Variants in PTGR3 observed in about 807,000 individuals in gnomAD.
PTGR3 encodes prostaglandin reductase 3, also known as zinc binding alcohol dehydrogenase domain containing 2.
chr18:75,205,252 G>C, the PTGR3 span: 1 of 985,552 alleles, frequency 1.0e-6, no homozygotes, highest in Non-Finnish European at 1.2e-6. Flanking sequence ...TTCAAGCGCA[G>C]CAGGCGCAAA....
At chr18:75,197,608 C>T in the PTGR3 span, 17 of 152,078 alleles carry the variant, frequency 1.1e-4, no homozygotes, top group Non-Finnish European at 1.6e-4. Flanking sequence ...CCACACCAAC[C>T]GTTTTGATAA....
chr18:75,198,858 T>TA, the PTGR3 span: 1 of 152,560 alleles, frequency 6.6e-6, no homozygotes, highest in Non-Finnish European at 1.5e-5. Flanking sequence ...TTGTGATATG[T>TA]ATTACAGTTC....
chr18:75,208,903 G>T, the PTGR3 span: 1 of 1,572,198 alleles, frequency 6.4e-7, no homozygotes, highest in Admixed American at 1.8e-5. Flanking sequence ...GGCAGTCCCG[G>T]CTCAGGGTGA....
chr18:75,201,499 G>A, the PTGR3 span: 14 of 1,614,122 alleles, frequency 8.7e-6, no homozygotes, highest in South Asian at 7.7e-5. Context: ...TTGACAGCAC[G>A]GAATATGGAC....
the PTGR3 span, chr18:75,201,614 A>C: frequency 6.2e-7 from 1 of 1,614,164 alleles, no homozygotes; most frequent in Non-Finnish European, 8.5e-7. Flanking sequence ...TGGCTGCTTG[A>C]TACTTAGAAA....
the PTGR3 span, among the ~76,000 whole-genome samples, chr18:75,208,083 G>C: frequency 5.0e-4 from 76 of 152,342 alleles, no homozygotes; most frequent in African/African-American, 1.7e-3. Context: ...AGATGAGTGA[G>C]GCGGAAACAC....
At chr18:75,204,026 G>T in the PTGR3 span, among the ~76,000 whole-genome samples, 2 of 152,236 alleles carry the variant, frequency 1.3e-5, no homozygotes, top group South Asian at 4.1e-4. Flanking sequence ...CCGACCCACT[G>T]CCAGTTGTGT....
At chr18:75,207,862 T>C in the PTGR3 span, among the ~76,000 whole-genome samples, 1 of 152,204 alleles carries the variant, frequency 6.6e-6, no homozygotes, top group African/African-American at 2.4e-5. Flanking sequence ...CAGTCAGAAC[T>C]TACTCCTCCC....
the PTGR3 span, among the ~76,000 whole-genome samples, chr18:75,203,476 T>C: frequency 6.6e-6 from 1 of 152,338 alleles, no homozygotes; most frequent in East Asian, 1.9e-4. Flanking sequence ...TTCACGGTGA[T>C]ATAGGTAATA....
At chr18:75,201,697 T>C in the PTGR3 span, 1 of 1,614,184 alleles carries the variant, frequency 6.2e-7, no homozygotes, top group South Asian at 1.1e-5. Flanking sequence ...GTTCCTGCTT[T>C]CACAGGCGAA....
chr18:75,202,031 C>T, the PTGR3 span: 1 of 1,614,150 alleles, frequency 6.2e-7, no homozygotes, highest in Non-Finnish European at 8.5e-7. Context: ...AAACTTTTTT[C>T]CCTTCCGACA....
the PTGR3 span, chr18:75,201,355 T>TA: frequency 1.4e-6 from 2 of 1,395,044 alleles, no homozygotes; most frequent in East Asian, 4.6e-5. Context: ...TTGATTTGAG[T>TA]AATTCTGAGA....
At chr18:75,201,190 C>T in the PTGR3 span, 26 of 532,092 alleles carry the variant, frequency 4.9e-5, no homozygotes, top group Middle Eastern at 4.9e-4. Flanking sequence ...TGAATGTAAG[C>T]GTTTTCCCTC....
the PTGR3 span, chr18:75,208,435 T>C: frequency 1.0e-6 from 1 of 995,432 alleles, no homozygotes. Context: ...CGTCGCAGTT[T>C]GCGTCCAGGC....
chr18:75,201,394 G>T, the PTGR3 span: 73 of 1,580,056 alleles, frequency 4.6e-5, no homozygotes, highest in Middle Eastern at 1.7e-4. Context: ...TTTCTCCCTT[G>T]ATTTATGTCA....
chr18:75,201,205 C>T, the PTGR3 span: 1 of 554,434 alleles, frequency 1.8e-6, no homozygotes, highest in Non-Finnish European at 3.2e-6. Context: ...TCCCTCTTAG[C>T]CATGGAGGGA....
chr18:75,202,098 A>T, the PTGR3 span: 4 of 1,613,944 alleles, frequency 2.5e-6, no homozygotes, highest in Admixed American at 6.7e-5. Flanking sequence ...CAGCAGGGTA[A>T]GATACTCGGG....
the PTGR3 span, among the ~76,000 whole-genome samples, chr18:75,207,349 C>A: frequency 6.6e-6 from 1 of 152,334 alleles, no homozygotes; most frequent in Admixed American, 6.5e-5. Context: ...CTGTGTGGAA[C>A]TTCTTGCCCG....
At chr18:75,205,298 A>C in the PTGR3 span, 4 of 985,522 alleles carry the variant, frequency 4.1e-6, no homozygotes, top group African/African-American at 7.0e-5. Flanking sequence ...GCAGGGGCGG[A>C]AGGGCCAGGG....
Sources: allele counts gnomAD v4.1 joint callset (sites outside exome capture counted in the v4.1 genomes callset), GRCh38; gene constraint gnomAD v4.1.1; transcripts MANE v1.5; gene names NCBI Gene and HGNC (gene_info 2026-07-23, HGNC 2026-07-21).